The following SGCG variants were observed in gnomAD, a reference collection of about 807,000 sequenced individuals.
SGCG encodes gamma-sarcoglycan.
In SGCG, 26 loss-of-function variants were observed where a neutral mutation model predicts 29.3. That is an observed-to-expected ratio of 0.89 (90% CI 0.65 to 1.23). The LOEUF is 1.23. SGCG is among the 50% of genes most tolerant of loss of function. The pLI is 0.00. For synonymous variants in SGCG, 145 were observed against 129.7 expected, an observed-to-expected ratio of 1.12 and a Z score of -0.80; for missense variants, 353 against 356.0, an observed-to-expected ratio of 0.99 and a Z score of 0.07.
chr13:23,257,322 A>G (rs1465405336), intron 4 of SGCG, among the ~76,000 whole-genome samples: 2 of 152,082 alleles, frequency 1.3e-5, no homozygotes, highest in African/African-American at 2.4e-5. Context: ...CAAGTTTGTT[A>G]TGTATGTATA....
chr13:23,280,254 T>A (rs1171330230), intron 5 of SGCG, among the ~76,000 whole-genome samples: 1 of 152,094 alleles, frequency 6.6e-6, no homozygotes, highest in Non-Finnish European at 1.5e-5. Flanking sequence ...ATGAAAAAAA[T>A]GTTTCAGAAC....
the SGCG span, among the ~76,000 whole-genome samples, chr13:23,164,863 T>G: frequency 3.3e-5 from 5 of 152,138 alleles, no homozygotes; most frequent in Non-Finnish European, 7.4e-5. Context: ...GCTGATTTGC[T>G]CCTGCCCTCT....
intron 1 of SGCG, among the ~76,000 whole-genome samples, chr13:23,195,479 G>A (rs970611585): frequency 6.6e-6 from 1 of 151,598 alleles, no homozygotes; most frequent in Non-Finnish European, 1.5e-5. Flanking sequence ...TCACTTGCTC[G>A]TTTAAATAAA....
intron 2 of SGCG, among the ~76,000 whole-genome samples, chr13:23,227,759 T>A (rs1878957944): frequency 6.6e-6 from 1 of 152,106 alleles, no homozygotes; most frequent in African/African-American, 2.4e-5. Context: ...TACCAAGGAA[T>A]GGGCATGGTG....
intron 2 of SGCG, among the ~76,000 whole-genome samples, chr13:23,229,181 G>A (rs1404339961): frequency 6.6e-6 from 1 of 152,108 alleles, no homozygotes; most frequent in East Asian, 1.9e-4. Context: ...ACCATGCCCA[G>A]CCTATCTAGT....
chr13:23,228,416 C>T lies in SGCG; in HGVS notation c.196-6195C>T, dbSNP rs207473592. On this transcript the variant is annotated intron_variant, in intron 2 of 7. Transcript: ENST00000218867. The stretch of plus-strand genomic sequence containing the variant: ...TTGCAAGTGAAAGGAAACAGGTCAT[C>T]TTATGTCAATTCCTACTTTTTTTCT... Among the ~76,000 whole-genome samples, 3 of 150,124 alleles carry T rather than the reference C, an allele frequency of 2.0e-5. No homozygotes were observed. The highest frequency in any genetic ancestry group is 4.4e-5 in the Non-Finnish European group (3 of 67,726).
At chr13:23,252,128 G>T (rs115704626) in intron 4 of SGCG, among the ~76,000 whole-genome samples, 3 of 151,990 alleles carry the variant, frequency 2.0e-5, no homozygotes, top group Non-Finnish European at 4.4e-5. Flanking sequence ...CTGCATATAC[G>T]TTCTTAAGAT....
chr13:23,204,750 G>T (rs1266888880), intron 2 of SGCG, among the ~76,000 whole-genome samples: 2 of 135,584 alleles, frequency 1.5e-5, no homozygotes, highest in African/African-American at 5.7e-5. Context: ...CTGTTGCCCA[G>T]GCTGGAGTGC....
chr13:23,250,682 A>G lies in SGCG; in HGVS notation c.350A>G (p.Asn117Ser). The G allele has an allele frequency of 1.2e-6, 2 of 1,612,348 alleles. No individual in the cohort carries two copies. Among genetic ancestry groups the G allele is most frequent in the Non-Finnish European group, 1.7e-6 (2 of 1,178,428 alleles). The part of the protein sequence containing the change: ...STQNVTVNAR[N>S]SEGEVTGRLK... ...CAGAATGTGACTGTAAATGCGCGCA[A>G]CTCAGAAGGGGAGGTCACAGGCAGG... Residue 117 changes from asparagine to serine, a missense_variant, in exon 4 of 8, where the codon AAC (asparagine) becomes AGC (serine). Coordinates refer to ENST00000218867, the MANE Select transcript of SGCG (RefSeq NM_000231.3).
At chr13:23,274,985 G>T (rs1485801594) in intron 4 of SGCG, among the ~76,000 whole-genome samples, 1 of 151,674 alleles carries the variant, frequency 6.6e-6, no homozygotes, top group Non-Finnish European at 1.5e-5. Flanking sequence ...CATAATTCAG[G>T]CTACCCTTTT....
chr13:23,163,165 G>A, the SGCG span, among the ~76,000 whole-genome samples: 55 of 152,268 alleles, frequency 3.6e-4, no homozygotes, highest in Admixed American at 2.0e-3. Flanking sequence ...TCTATACAGG[G>A]ATCCCTGGTT....
rs1454640970 is a variant in SGCG, at chr13:23,324,899, G to C, written c.*358G>C. On this transcript the variant is annotated 3_prime_UTR_variant, in exon 8 of 8. Transcript: ENST00000218867. ...TGGAGTTAATGTATGACGCTCCACT[G>C]TGGATATCTAATGCCCTGTTGAGAG... 2.8e-6 allele frequency: 1 copy of C among 360,034 alleles called. No homozygotes were observed. The highest frequency in any genetic ancestry group is 5.4e-6 in the Non-Finnish European group (1 of 183,908). The allele number at this position is 360,034 out of a possible 1,614,324, so 22.3% of individuals were successfully genotyped here. A position where few individuals can be genotyped will look rare whatever the true frequency, so the allele number is the denominator to read the frequency against.
At chr13:23,299,435 TATATATATATATATATATA>T (rs1474519532) in intron 6 of SGCG, among the ~76,000 whole-genome samples, 36 of 20,184 alleles carry the variant, frequency 1.8e-3, no homozygotes, top group African/African-American at 3.4e-3. Context: ...TATATATATA[TATATATATATATATATATA>T]TATTTTTTTT....
chr13:23,323,268 A>T (rs1883115316), intron 7 of SGCG, among the ~76,000 whole-genome samples: 1 of 152,262 alleles, frequency 6.6e-6, no homozygotes, highest in Non-Finnish European at 1.5e-5. Context: ...ATTCTACTTG[A>T]AAAACATATT....
At chr13:23,236,430 C>G (rs1879314135) in intron 3 of SGCG, among the ~76,000 whole-genome samples, 2 of 152,162 alleles carry the variant, frequency 1.3e-5, no homozygotes, top group Admixed American at 1.3e-4. Flanking sequence ...GTAATCCCAG[C>G]ACTTTGGGAG....
rs1265199737 is a variant in SGCG at position 23,279,811 on chromosome 13, T to C, written c.505+333T>C. 8.6e-5 allele frequency among the ~76,000 whole-genome samples: 13 copies of C among 151,858 alleles called. No homozygotes were observed. In the South Asian group the frequency reaches 1.7e-3, roughly 20 times the overall value. On this transcript the variant is annotated intron_variant, in intron 5 of 7. Coordinates refer to ENST00000218867, the MANE Select transcript of SGCG (RefSeq NM_000231.3). ...AGCACAATCTCGGCTCACTGCAACCTTTGCCTCCTGGGTTCAAGCAATTCT... is the reference window on the plus strand; with the variant it reads ...AGCACAATCTCGGCTCACTGCAACCCTTGCCTCCTGGGTTCAAGCAATTCT...
Position 23,324,950 on chromosome 13 carries a change from C to G in SGCG, c.*409C>G. On this transcript the variant is annotated 3_prime_UTR_variant, in exon 8 of 8. Transcript: ENST00000218867. ...TAGCCTTGCTCAGTACTAAAATGCC[C>G]CAAAGTTCTATACAGCATTTCCTTT... The G allele has an allele frequency of 3.6e-6, 1 of 276,856 alleles. No individual in the cohort carries two copies. Among genetic ancestry groups the G allele is most frequent in the Non-Finnish European group, 7.2e-6 (1 of 138,948 alleles). 17.1% of individuals were successfully genotyped at this position (276,856 alleles called of 1,614,324 possible).
chr13:23,310,149 C>T (rs1329274993), intron 6 of SGCG, among the ~76,000 whole-genome samples: 8 of 131,992 alleles, frequency 6.1e-5, no homozygotes, highest in Admixed American at 1.8e-4. Context: ...TGCAGTGACA[C>T]GATCTCGGCT....
At chr13:23,234,207 G>T (rs1033318016) in intron 2 of SGCG, among the ~76,000 whole-genome samples, 2 of 152,156 alleles carry the variant, frequency 1.3e-5, no homozygotes, top group Non-Finnish European at 2.9e-5. Context: ...TGGGGCAGGT[G>T]ATGGAACTAT....
Sources: gnomAD v4.1 joint callset for allele counts (sites outside exome capture counted in the v4.1 genomes callset) on GRCh38, gnomAD v4.1.1 for gene constraint, MANE v1.5 for transcripts, NCBI Gene and HGNC (gene_info 2026-07-23, HGNC 2026-07-21) for gene names.